Variants in BIRC6 observed in about 807,000 individuals in gnomAD.
The protein encoded by BIRC6 is baculoviral IAP repeat containing 6.
A neutral mutation model predicts 503.3 loss-of-function variants in BIRC6; 98 were observed. The ratio of observed to expected loss-of-function variants is 0.19; its 90% CI spans 0.17 to 0.23. The LOEUF is 0.23. Among genes scored for constraint, BIRC6 ranks in the 10% least tolerant of loss-of-function variants. The pLI, the probability that BIRC6 is intolerant of heterozygous loss-of-function variation, is 1.00. For missense variants in BIRC6, 5,360 were observed against 5,806.0 expected (o/e 0.92, Z 2.50); for synonymous variants, 2,240 against 2,078.7 (o/e 1.08, Z -2.11).
At chr2:32,493,449 G>C (rs1397556166) in intron 44 of BIRC6, 91 bp from the exon 45 acceptor site, 18 of 1,281,594 alleles carry the variant, frequency 1.4e-5, no homozygotes, top group Middle Eastern at 2.0e-4. Flanking sequence ...ACAGTGTATA[G>C]CTTTTGACTT....
chr2:32,613,007 C>T (rs565072786), intron 73 of BIRC6, among the ~76,000 whole-genome samples: 1 of 152,006 alleles, frequency 6.6e-6, no homozygotes, highest in African/African-American at 2.4e-5. Flanking sequence ...CCAAAGTTAC[C>T]ATCTCTCCAG....
chr2:32,518,020 G>A (rs1200362501), intron 55 of BIRC6, among the ~76,000 whole-genome samples: 1 of 150,030 alleles, frequency 6.7e-6, no homozygotes, highest in African/African-American at 2.5e-5. Flanking sequence ...CCCTGGACAC[G>A]TTTCTTACAC....
chr2:32,579,955 G>GT (rs566605734), intron 66 of BIRC6, among the ~76,000 whole-genome samples: 2,262 of 132,676 alleles, frequency 0.017, 32 homozygotes, highest in East Asian at 0.03. Context: ...AACCAGGCAG[G>GT]TTTTTTTTTT....
intron 1 of BIRC6, among the ~76,000 whole-genome samples, chr2:32,374,554 G>C (rs1224883272): frequency 6.6e-6 from 1 of 150,778 alleles, no homozygotes; most frequent in Non-Finnish European, 1.5e-5. Context: ...CTCACTGCAA[G>C]CTCCGCCTCC....
chr2:32,436,299 A>G, intron 15 of BIRC6, 115 bp downstream of exon 15: 1 of 968,446 alleles, frequency 1.0e-6, no homozygotes, highest in Non-Finnish European at 1.4e-6. Flanking sequence ...TTCGTTCGAA[A>G]TTTCATCAGT....
chr2:32,456,350 T>C (rs920169404), intron 23 of BIRC6, among the ~76,000 whole-genome samples: 1 of 152,252 alleles, frequency 6.6e-6, no homozygotes, highest in Non-Finnish European at 1.5e-5. Context: ...GACAGTTGGT[T>C]CTTTTTCATT....
intron 2 of BIRC6, among the ~76,000 whole-genome samples, chr2:32,379,835 G>C (rs2037364438): frequency 6.6e-6 from 1 of 152,056 alleles, no homozygotes; most frequent in Non-Finnish European, 1.5e-5. Context: ...TGTCTCTTCA[G>C]ATTTTTTCCT....
intron 63 of BIRC6, among the ~76,000 whole-genome samples, chr2:32,547,556 C>G (rs1247773536): frequency 1.3e-5 from 2 of 152,146 alleles, no homozygotes; most frequent in African/African-American, 2.4e-5. Context: ...TCTTATGGCT[C>G]AATAAATATC....
chr2:32,479,493 C>T lies in BIRC6; in HGVS notation c.7284C>T (p.Ala2428=), dbSNP rs1371718144. ...TACTGGCTCCAGTAGCCGCAGAAGC[C>T]ATGGAGGAAGGAACAGTGGGTGATG... ...GELLAPVAAE[A]MEEGTVGDDV... The change falls in exon 37 of 74, where the codon GCC becomes GCT. Residue 2428 remains alanine (A), a synonymous_variant. Transcript: ENST00000421745. The T allele has an allele frequency of 6.2e-7, 1 of 1,604,294 alleles. No individual in the cohort carries two copies. The highest frequency in any genetic ancestry group is 8.5e-7 in the Non-Finnish European group (1 of 1,175,054).
intron 65 of BIRC6, among the ~76,000 whole-genome samples, chr2:32,571,981 C>T (rs563390522): frequency 1.0e-3 from 155 of 152,250 alleles, no homozygotes; most frequent in African/African-American, 3.5e-3. Context: ...TTTGTTGACC[C>T]AGTGATCATT....
At chr2:32,467,857 T>A (rs1004954859) in intron 27 of BIRC6, 46 bp from the exon 28 acceptor site, 3 of 1,490,098 alleles carry the variant, frequency 2.0e-6, no homozygotes, top group Non-Finnish European at 2.7e-6. Flanking sequence ...CAGATTTTTA[T>A]TGTGGCAGAT....
intron 35 of BIRC6, 41 bp downstream of exon 35, chr2:32,477,624 C>G (rs373570598): frequency 7.3e-6 from 11 of 1,503,920 alleles, no homozygotes; most frequent in Non-Finnish European, 1.0e-5. Flanking sequence ...GTTGGCCGGG[C>G]GCAGTGGCTC....
At chr2:32,607,213 A>G (rs924935746) in intron 71 of BIRC6, among the ~76,000 whole-genome samples, 1 of 152,066 alleles carries the variant, frequency 6.6e-6, no homozygotes, top group African/African-American at 2.4e-5. Flanking sequence ...CATATCTATT[A>G]TTATTCAAGA....
At chr2:32,602,423 G>A (rs950444589) in intron 70 of BIRC6, 1 of 152,206 alleles carries the variant, frequency 6.6e-6, no homozygotes, top group Non-Finnish European at 1.5e-5. Flanking sequence ...TGGTACTAAA[G>A]CTGGGAGGGA....
chr2:32,425,952 A>G (rs1340652499), intron 10 of BIRC6, among the ~76,000 whole-genome samples: 1 of 152,200 alleles, frequency 6.6e-6, no homozygotes, highest in African/African-American at 2.4e-5. Context: ...ATGGAGGGGT[A>G]GCTGGTTCAT....
intron 42 of BIRC6, among the ~76,000 whole-genome samples, chr2:32,489,078 T>TGGA (rs1323550379): frequency 6.6e-6 from 1 of 152,108 alleles, no homozygotes; most frequent in East Asian, 1.9e-4. Context: ...CTGGAGGAGT[T>TGGA]AGTCAGCTGG....
At chr2:32,358,275 C>T (rs1414714458) in intron 1 of BIRC6, among the ~76,000 whole-genome samples, 2 of 152,174 alleles carry the variant, frequency 1.3e-5, no homozygotes, top group African/African-American at 4.8e-5. Context: ...TGTTTTCCCA[C>T]AGCGAGCCGA....
chr2:32,461,502 A>G (rs1159082615), intron 23 of BIRC6, among the ~76,000 whole-genome samples: 1 of 151,748 alleles, frequency 6.6e-6, no homozygotes, highest in Non-Finnish European at 1.5e-5. Context: ...CACCATGCCT[A>G]GCCAATTGCT....
chr2:32,548,863 A>G (rs1324027243), intron 64 of BIRC6: 14 of 152,464 alleles, frequency 9.2e-5, no homozygotes, highest in Non-Finnish European at 2.1e-4. Flanking sequence ...TACCACAGAA[A>G]TGTATAGGGG....
Sources: allele counts gnomAD v4.1 joint callset (sites outside exome capture counted in the v4.1 genomes callset), GRCh38; gene constraint gnomAD v4.1.1; transcripts MANE v1.5; gene names NCBI Gene and HGNC (gene_info 2026-07-23, HGNC 2026-07-21).